The following RCAN1 variants were observed in gnomAD, a reference collection of about 807,000 sequenced individuals.
The protein encoded by RCAN1 is calcipressin-1.
In RCAN1, 11 loss-of-function variants were observed where a neutral mutation model predicts 22.9. The observed-to-expected ratio is 0.48, with a 90% CI of 0.30 to 0.79. The LOEUF is 0.79. Ranked by LOEUF, RCAN1 falls within the 30% of genes least tolerant of loss-of-function variation. RCAN1 has a pLI of 0.06. For missense variants in RCAN1, 291 were observed against 337.8 expected (o/e 0.86, Z 1.09); for synonymous variants, 136 against 142.3 (o/e 0.96, Z 0.32).
intron 1 of RCAN1, among the ~76,000 whole-genome samples, chr21:34,555,006 T>C (rs185330909): frequency 9.7e-4 from 147 of 152,308 alleles, no homozygotes; most frequent in Non-Finnish European, 1.8e-3. Context: ...GTGGGAATTA[T>C]GGGAGCTACA....
intron 1 of RCAN1, among the ~76,000 whole-genome samples, chr21:34,553,823 C>A (rs1330324279): frequency 6.6e-6 from 1 of 152,136 alleles, no homozygotes; most frequent in East Asian, 1.9e-4. Flanking sequence ...AAAGCGAAAT[C>A]TTTTCAGACC....
intron 1 of RCAN1, among the ~76,000 whole-genome samples, chr21:34,596,909 T>A (rs958480520): frequency 6.6e-6 from 1 of 152,164 alleles, no homozygotes; most frequent in Non-Finnish European, 1.5e-5. Flanking sequence ...TGTGCGTTGG[T>A]CTGCACACAC....
rs561391748 is a variant in RCAN1 at position 34,598,566 on chromosome 21, C to T, written c.252+16194G>A. 9.8e-5 allele frequency among the ~76,000 whole-genome samples: 15 copies of T among 152,298 alleles called. No individual in the cohort carries two copies. The East Asian group carries it at 2.1e-3, about 22-fold the overall frequency. ...CCAGTGAATTAAAAGCAAACATCAA[C>T]AACAAAAATGTACAAGTTCTAGAAG... On this transcript the variant is annotated intron_variant, in intron 1 of 3. Transcript: ENST00000313806.
intron 1 of RCAN1, among the ~76,000 whole-genome samples, chr21:34,593,779 A>G (rs1267918263): frequency 2.0e-5 from 3 of 152,226 alleles, no homozygotes; most frequent in Non-Finnish European, 2.9e-5. Flanking sequence ...GAAATAAACA[A>G]GTGGAAAAAT....
At chr21:34,613,412 G>T (rs1019244409) in intron 1 of RCAN1, among the ~76,000 whole-genome samples, 1 of 152,190 alleles carries the variant, frequency 6.6e-6, no homozygotes. Flanking sequence ...ATCCCGTAGC[G>T]AAGTCTCAAT....
intron 1 of RCAN1, among the ~76,000 whole-genome samples, chr21:34,529,447 G>C (rs1159518340): frequency 6.6e-6 from 1 of 152,200 alleles, no homozygotes. Context: ...ACTGCCTTAT[G>C]CTCATATCAA....
chr21:34,560,444 A>C (rs370240811), intron 1 of RCAN1, among the ~76,000 whole-genome samples: 17 of 152,368 alleles, frequency 1.1e-4, no homozygotes, highest in East Asian at 7.7e-4. Flanking sequence ...GTAACAAAGA[A>C]TAAGAATAAA....
At chr21:34,601,847 T>C (rs1365107088) in intron 1 of RCAN1, among the ~76,000 whole-genome samples, 4 of 146,758 alleles carry the variant, frequency 2.7e-5, no homozygotes, top group Non-Finnish European at 4.5e-5. Flanking sequence ...AGAAGGTGAA[T>C]GCTGTCCACA....
rs1016943967 is a variant in RCAN1 at position 34,516,540 on chromosome 21, T to A, written c.*1544A>T. On this transcript the variant is annotated 3_prime_UTR_variant, in exon 4 of 4. Coordinates refer to ENST00000313806, the MANE Select transcript of RCAN1 (RefSeq NM_004414.7). ...TTATAGAATGCAGTTAAAAAAAATA[T>A]TTTGAGGTTAGCCTCTCCAGTTTAA... 3.3e-5 allele frequency: 5 copies of A among 152,232 alleles called. No individual in the cohort carries two copies. The highest frequency in any genetic ancestry group is 5.9e-5 in the Non-Finnish European group (4 of 68,042). The allele number at this position is 152,232 out of a possible 1,614,324, so 9.4% of individuals were successfully genotyped here.
chr21:34,572,024 A>G (rs1987251909), intron 1 of RCAN1, among the ~76,000 whole-genome samples: 1 of 152,178 alleles, frequency 6.6e-6, no homozygotes, highest in African/African-American at 2.4e-5. Context: ...GCTCCCTTTT[A>G]TCATTAAGGA....
At chr21:34,599,433 C>T (rs2284606) in intron 1 of RCAN1, among the ~76,000 whole-genome samples, 65,219 of 151,892 alleles carry the variant, frequency 0.43, 14,108 homozygotes, top group East Asian at 0.5. Flanking sequence ...GAGATCACGC[C>T]ACTGCACTCC....
At chr21:34,521,219 A>G in intron 3 of RCAN1, 2 of 1,417,490 alleles carry the variant, frequency 1.4e-6, no homozygotes, top group South Asian at 3.1e-5. Context: ...GGCTGTGCTC[A>G]GTGGACACAG....
intron 1 of RCAN1, among the ~76,000 whole-genome samples, chr21:34,575,811 C>T (rs903451234): frequency 2.6e-5 from 4 of 152,136 alleles, no homozygotes; most frequent in Non-Finnish European, 5.9e-5. Flanking sequence ...GAAGAAGAGA[C>T]GAGACAGCGG....
intron 1 of RCAN1, among the ~76,000 whole-genome samples, chr21:34,544,770 T>C (rs1021738877): frequency 2.0e-5 from 3 of 152,180 alleles, no homozygotes; most frequent in African/African-American, 7.2e-5. Flanking sequence ...CCAGCCCTGC[T>C]GTCAGGAAGC....
At chr21:34,591,659 C>T (rs1429128164) in intron 1 of RCAN1, among the ~76,000 whole-genome samples, 2 of 152,200 alleles carry the variant, frequency 1.3e-5, no homozygotes, top group Non-Finnish European at 2.9e-5. Context: ...TCTTAAACTG[C>T]CACTGGGTTC....
At chr21:34,551,623 C>CT (rs1169274074) in intron 1 of RCAN1, among the ~76,000 whole-genome samples, 2 of 140,134 alleles carry the variant, frequency 1.4e-5, no homozygotes, top group Non-Finnish European at 3.0e-5. Context: ...AGTGAACATT[C>CT]TTTTTTGATT....
chr21:34,543,073 T>C (rs1287717412), intron 1 of RCAN1, among the ~76,000 whole-genome samples: 1 of 152,236 alleles, frequency 6.6e-6, no homozygotes, highest in Non-Finnish European at 1.5e-5. Flanking sequence ...ATTGACCTAA[T>C]GCCTACATTG....
At chr21:34,557,230 T>A (rs912511719) in intron 1 of RCAN1, among the ~76,000 whole-genome samples, 49 of 152,180 alleles carry the variant, frequency 3.2e-4, no homozygotes, top group African/African-American at 6.7e-4. Context: ...AAAATAAAAT[T>A]AAATTAAATT....
intron 1 of RCAN1, among the ~76,000 whole-genome samples, chr21:34,543,654 G>C (rs191141342): frequency 8.3e-4 from 127 of 152,378 alleles, no homozygotes; most frequent in Non-Finnish European, 1.5e-3. Flanking sequence ...CCAGCAGCTA[G>C]AATGTTCAAA....
Sources: allele counts gnomAD v4.1 joint callset (sites outside exome capture counted in the v4.1 genomes callset), GRCh38; gene constraint gnomAD v4.1.1; transcripts MANE v1.5; gene names NCBI Gene and HGNC (gene_info 2026-07-23, HGNC 2026-07-21).